Variants in CIT observed in about 807,000 individuals in gnomAD.
CIT encodes the protein citron rho-interacting serine/threonine kinase, also known as citron Rho-interacting kinase.
In CIT, 79 loss-of-function variants were observed where a neutral mutation model predicts 272.7. The ratio of observed to expected loss-of-function variants is 0.29; its 90% confidence interval spans 0.24 to 0.35. The LOEUF (loss-of-function observed/expected upper bound fraction) is 0.35, where lower values mean the gene tolerates loss of function less well. CIT is among the 10% of genes least tolerant of loss of function. The pLI, the probability that CIT is intolerant of heterozygous loss-of-function variation, is 1.00. For synonymous variants in CIT, 948 were observed against 995.6 expected (o/e 0.95, Z 0.90); for missense variants, 1,909 against 2,618.3 (o/e 0.73, Z 5.91).
chr12:119,791,242 G>T (rs1965282096), intron 10 of CIT, among the ~76,000 whole-genome samples: 1 of 152,132 alleles, frequency 6.6e-6, no homozygotes, highest in Non-Finnish European at 1.5e-5. Flanking sequence ...AGGCTCAGAG[G>T]GGCAAGGTCA....
chr12:119,876,716 T>C (rs574521361), intron 1 of CIT, among the ~76,000 whole-genome samples: 1 of 152,112 alleles, frequency 6.6e-6, no homozygotes. Flanking sequence ...CATGTTGATA[T>C]CTGGGGAAAG....
rs896774594 is a variant in CIT, at chr12:119,732,197, T to C, written c.3351-1567A>G. ...ATTTTACTCATCTCAGTATCCCATA[T>C]AATACCAAAACAGAAAAAAGAAAAA... On this transcript the variant is annotated intron_variant, in intron 26 of 47. Transcript: ENST00000392521. Among the ~76,000 whole-genome samples, 13 of 151,940 alleles carry C rather than the reference T, an allele frequency of 8.6e-5. No homozygotes were observed. In the East Asian group the frequency reaches 2.5e-3, roughly 29 times the overall value.
intron 4 of CIT, among the ~76,000 whole-genome samples, chr12:119,853,001 T>C (rs1427818729): frequency 6.6e-6 from 1 of 152,156 alleles, no homozygotes; most frequent in African/African-American, 2.4e-5. Context: ...ATCTATCTCC[T>C]ACTGGTTCCA....
chr12:119,833,395 G>C (rs148160028), intron 6 of CIT, among the ~76,000 whole-genome samples: 1 of 152,242 alleles, frequency 6.6e-6, no homozygotes, highest in Non-Finnish European at 1.5e-5. Flanking sequence ...GGCCAGGCAT[G>C]GTGGCTCATG....
At chr12:119,781,700 G>C (rs916391634) in intron 13 of CIT, among the ~76,000 whole-genome samples, 1 of 152,052 alleles carries the variant, frequency 6.6e-6, no homozygotes, top group African/African-American at 2.4e-5. Flanking sequence ...TAAAGGTCTC[G>C]ATTCTCCTTT....
At chr12:119,765,395 A>ATATAT (rs1198065049) in intron 19 of CIT, among the ~76,000 whole-genome samples, 1 of 145,480 alleles carries the variant, frequency 6.9e-6, no homozygotes, top group African/African-American at 2.5e-5. Flanking sequence ...ATATTATAAT[A>ATATAT]TATATTATAT....
At chr12:119,735,028 G>C in intron 25 of CIT, 132 bp downstream of exon 25, 2 of 796,448 alleles carry the variant, frequency 2.5e-6, no homozygotes, top group Non-Finnish European at 4.1e-6. Context: ...TTGGAAAAAA[G>C]ACATGATTTT....
Position 119,712,791 on chromosome 12 carries a change from G to A in CIT, c.4580-96C>T. The A allele has an allele frequency of 1.0e-6, 1 of 987,790 alleles. No homozygotes were observed. Among genetic ancestry groups the A allele is most frequent in the Non-Finnish European group, 1.6e-6 (1 of 633,872 alleles). 61.2% of individuals were successfully genotyped at this position (987,790 alleles called of 1,614,324 possible). On this transcript the variant is annotated intron_variant, in intron 35 of 47. Coordinates refer to ENST00000392521, the MANE Select transcript of CIT (RefSeq NM_001206999.2). This position sits in a 1 kb window ranked among gnomAD's most constrained non-coding sequence, Gnocchi z 5.2. ...CGAGAGAGACAGCAAGGGAGAGAGAGACAGGGTACGTGTGTAAAGAGAGGC... is the reference window on the plus strand; with the variant it reads ...CGAGAGAGACAGCAAGGGAGAGAGAAACAGGGTACGTGTGTAAAGAGAGGC...
intron 46 of CIT, among the ~76,000 whole-genome samples, chr12:119,693,685 T>C (rs1233708482): frequency 3.3e-5 from 5 of 152,154 alleles, no homozygotes; most frequent in Admixed American, 3.3e-4. Context: ...AAGCCAAGAG[T>C]TAGGAGCATT....
chr12:119,772,876 A>G lies in CIT; in HGVS notation c.1976T>C (p.Leu659Pro). ...VKASTEATEL[L>P]QNIRQAKERA... ...CTCCTTTGCCTGGCGGATATTCTGC[A>G]GCAGCTCGGTGGCCTCCGTGCTGGC... is the stretch of plus-strand genomic sequence containing the variant. Residue 659 changes from leucine (L) to proline (P), a missense_variant, in exon 17 of 48, where the codon CTG becomes CCG. Leu to Pro is a moderately conservative substitution (Grantham distance 98, BLOSUM62 -3). This residue lies in a region of CIT where 530 missense variants were observed against 822.4 expected (regional missense o/e 0.64). Coordinates refer to ENST00000392521, the MANE Select transcript of CIT (RefSeq NM_001206999.2). The G allele has an allele frequency of 6.2e-7, 1 of 1,614,140 alleles. No homozygotes were observed. Among genetic ancestry groups the G allele is most frequent in the South Asian group, 1.1e-5 (1 of 91,074 alleles).
At position 119,690,160 on chromosome 12, in the gene CIT, C is replaced by T; in HGVS notation, c.6177G>A (p.Gln2059=). Residue 2059 remains glutamine (Q), a synonymous_variant, in exon 47 of 48, where the codon CAG becomes CAA. Transcript: ENST00000392521. This position sits in a 1 kb window ranked among gnomAD's most constrained non-coding sequence, Gnocchi z 6.0. ...PAGAVRTPLS[Q]VNKVWDQSSV is the part of the protein sequence containing the mutation. ...CGGAATGCTGCCTCACCTTGTTCAC[C>T]TGGGACAGCGGGGTCCTCACGGCTC... is the stretch of plus-strand genomic sequence containing the variant. The T allele has an allele frequency of 6.8e-7, 1 of 1,471,492 alleles. No individual in the cohort carries two copies. The highest frequency in any genetic ancestry group is 8.9e-7 in the Non-Finnish European group (1 of 1,119,080). 91.2% of individuals were successfully genotyped at this position (1,471,492 alleles called of 1,614,324 possible).
intron 5 of CIT, among the ~76,000 whole-genome samples, chr12:119,843,490 AT>A (rs1164978216): frequency 6.6e-6 from 1 of 152,162 alleles, no homozygotes; most frequent in African/African-American, 2.4e-5. Flanking sequence ...AGGAGGTAGA[AT>A]CCTGTTGTTT....
At chr12:119,832,253 T>C (rs1386867648) in intron 7 of CIT, among the ~76,000 whole-genome samples, 4 of 152,210 alleles carry the variant, frequency 2.6e-5, no homozygotes, top group Non-Finnish European at 5.9e-5. Context: ...GTAGCTACCC[T>C]CCTGCCGTCC....
chr12:119,744,915 G>A (rs543875471), intron 23 of CIT, among the ~76,000 whole-genome samples: 51 of 151,992 alleles, frequency 3.4e-4, no homozygotes, highest in Non-Finnish European at 5.1e-4. Flanking sequence ...AAACCAAAAT[G>A]AAACACAATG....
At chr12:119,736,829 C>T (rs902072714) in intron 24 of CIT, among the ~76,000 whole-genome samples, 2 of 152,148 alleles carry the variant, frequency 1.3e-5, no homozygotes, top group Non-Finnish European at 2.9e-5. Flanking sequence ...AAACCCATTC[C>T]TTAAGATGTT....
At chr12:119,707,463 T>A (rs2137029339) in intron 40 of CIT, among the ~76,000 whole-genome samples, 1 of 152,056 alleles carries the variant, frequency 6.6e-6, no homozygotes, top group East Asian at 1.9e-4. Flanking sequence ...GAGAGGATTC[T>A]CACACTTGTG....
chr12:119,808,862 G>A (rs1441544124), intron 9 of CIT, among the ~76,000 whole-genome samples: 3 of 152,150 alleles, frequency 2.0e-5, no homozygotes, highest in African/African-American at 4.8e-5. Context: ...AATCTAGAGC[G>A]CTAATGTGAT....
intron 3 of CIT, among the ~76,000 whole-genome samples, chr12:119,859,493 A>G (rs1297614121): frequency 3.3e-5 from 5 of 151,658 alleles, no homozygotes; most frequent in Non-Finnish European, 5.9e-5. Context: ...GGCCAATGTC[A>G]TTTTTTTCAT....
chr12:119,826,005 T>C (rs1441362098), intron 7 of CIT, among the ~76,000 whole-genome samples: 1 of 151,948 alleles, frequency 6.6e-6, no homozygotes, highest in East Asian at 1.9e-4. Context: ...GAGGCGGAGG[T>C]TGCAGTGAGC....
Sources: allele counts gnomAD v4.1 joint callset (sites outside exome capture counted in the v4.1 genomes callset), GRCh38; gene constraint gnomAD v4.1.1; regional missense constraint gnomAD v4.1.1; non-coding constraint Gnocchi (gnomAD v3.1); transcripts MANE v1.5; gene names NCBI Gene and HGNC (gene_info 2026-07-23, HGNC 2026-07-21).